The following SYN3 variants were observed in gnomAD, a reference collection of about 807,000 sequenced individuals.
SYN3 encodes synapsin-3.
Under a neutral mutation model 65.8 loss-of-function variants are expected in SYN3, and 35 were observed. The observed-to-expected ratio is 0.53, with a 90% CI of 0.41 to 0.70. SYN3 has a LOEUF of 0.70. Ranked by LOEUF, SYN3 falls within the 30% of genes least tolerant of loss-of-function variation. The pLI is 0.00. For missense variants in SYN3, 680 were observed against 749.0 expected (o/e 0.91, Z 1.08); for synonymous variants, 270 against 292.9 (o/e 0.92, Z 0.80).
In SYN3 at chr22:32,651,501, G is replaced by A. The variant is rs182718440; in HGVS notation, c.712-54765C>T. 7.9e-4 allele frequency among the ~76,000 whole-genome samples: 121 copies of A among 152,272 alleles called. 3 individuals carry two copies. The Middle Eastern group carries it at 0.01, about 13-fold the overall frequency. On this transcript the variant is annotated intron_variant, in intron 6 of 13. Transcript: ENST00000358763. ...TTTCTGGAGCACACAGGTGGGGCATGATCGCTCCTCTGGCTCCCCCAGGGC... is the reference window on the plus strand; with the variant it reads ...TTTCTGGAGCACACAGGTGGGGCATAATCGCTCCTCTGGCTCCCCCAGGGC...
In SYN3 at chr22:33,007,466, T is replaced by G. The variant is rs143335847; in HGVS notation, c.-162-642A>C. Among the ~76,000 whole-genome samples, 525 of 152,320 alleles carry G rather than the reference T, an allele frequency of 3.4e-3. 3 individuals carry two copies. Among genetic ancestry groups the G allele is most frequent in the Non-Finnish European group, 6.1e-3 (418 of 68,034 alleles). On this transcript the variant is annotated intron_variant, in intron 1 of 13. Transcript: ENST00000358763. ...CATGTCCCCCACCTCACCAAATTTATATGTTGAAGATAATGCTGAATATGA... is the reference window on the plus strand; with the variant it reads ...CATGTCCCCCACCTCACCAAATTTAGATGTTGAAGATAATGCTGAATATGA...
At chr22:32,761,895 C>T (rs1007215216) in intron 6 of SYN3, among the ~76,000 whole-genome samples, 5 of 152,248 alleles carry the variant, frequency 3.3e-5, no homozygotes, top group East Asian at 1.9e-4. Context: ...CGGAGATTGT[C>T]GGATACGGGA....
intron 6 of SYN3, among the ~76,000 whole-genome samples, chr22:32,641,817 A>G (rs1208005587): frequency 6.6e-6 from 1 of 152,154 alleles, no homozygotes; most frequent in African/African-American, 2.4e-5. Flanking sequence ...TAAGTGACTT[A>G]TATCTCAATA....
intron 7 of SYN3, among the ~76,000 whole-genome samples, chr22:32,565,874 A>G (rs1045339152): frequency 6.6e-6 from 1 of 151,800 alleles, no homozygotes; most frequent in South Asian, 2.1e-4. Context: ...CACCACGCCC[A>G]GCTAATTTTT....
At chr22:33,049,629 C>A (rs1368562281) in intron 1 of SYN3, among the ~76,000 whole-genome samples, 1 of 152,132 alleles carries the variant, frequency 6.6e-6, no homozygotes, top group African/African-American at 2.4e-5. Context: ...TAATTAAATT[C>A]AATATTTTGG....
intron 6 of SYN3, among the ~76,000 whole-genome samples, chr22:32,709,741 C>T (rs1022801910): frequency 1.5e-4 from 23 of 151,246 alleles, no homozygotes; most frequent in Non-Finnish European, 3.2e-4. Context: ...TTTTTCTTTC[C>T]TTTTTACATA....
chr22:32,545,409 A>G (rs779662871), intron 7 of SYN3, among the ~76,000 whole-genome samples: 3 of 152,252 alleles, frequency 2.0e-5, no homozygotes, highest in Non-Finnish European at 4.4e-5. Context: ...CAAAGAGAGC[A>G]AAGGGAGAAA....
intron 4 of SYN3, among the ~76,000 whole-genome samples, chr22:32,911,885 AAG>A (rs1245602534): frequency 6.6e-6 from 1 of 152,136 alleles, no homozygotes; most frequent in Non-Finnish European, 1.5e-5. Context: ...ACGTCAGAAA[AAG>A]AAGGTGGCAT....
chr22:32,541,619 T>C lies in SYN3; in HGVS notation c.869A>G (p.Lys290Arg), dbSNP rs2058255983. Residue 290 changes from lysine to arginine, a missense_variant, in exon 8 of 14, where the codon AAG (lysine) becomes AGG (arginine). Coordinates refer to ENST00000358763, the MANE Select transcript of SYN3 (RefSeq NM_003490.4). ...YATTEAFIDS[K>R]YDIRIQKIGS... The stretch of plus-strand genomic sequence containing the variant: ...AATTTTCTGGATGCGGATGTCGTAC[T>C]TGGAGTCGATGAAGGCCTCGGTGGT... 6.2e-7 allele frequency: 1 copy of C among 1,614,062 alleles called. No homozygotes were observed. The highest frequency in any genetic ancestry group is 8.5e-7 in the Non-Finnish European group (1 of 1,180,018).
intron 6 of SYN3, among the ~76,000 whole-genome samples, chr22:32,845,667 G>A (rs2048039966): frequency 6.6e-6 from 1 of 152,124 alleles, no homozygotes; most frequent in Non-Finnish European, 1.5e-5. Context: ...CAGTGTAGGG[G>A]CCATACTCCA....
chr22:32,887,194 T>C lies in SYN3; in HGVS notation c.462-18069A>G, dbSNP rs185484691. On this transcript the variant is annotated intron_variant, in intron 4 of 13. Coordinates refer to ENST00000358763, the MANE Select transcript of SYN3 (RefSeq NM_003490.4). ...GAGTTCAAGACCAGCCTGGGCAACA[T>C]AGTGAGACCTCATCTCTACCAAAAA... is the stretch of plus-strand genomic sequence containing the variant. 2.7e-3 allele frequency among the ~76,000 whole-genome samples: 416 copies of C among 152,088 alleles called. 1 individual carries two copies. The highest frequency in any genetic ancestry group is 4.3e-3 in the Non-Finnish European group (289 of 67,974).
At position 32,518,138 on chromosome 22, in the gene SYN3, G is replaced by T; in HGVS notation, c.1515C>A (p.Thr505=). The change falls in exon 13 of 14, where the codon ACC becomes ACA. Residue 505 remains threonine (T), a synonymous_variant. Coordinates refer to ENST00000358763, the MANE Select transcript of SYN3 (RefSeq NM_003490.4). The stretch of plus-strand genomic sequence containing the variant: ...CAGGGGGCCGGGGCTGTGAGGCGAG[G>T]GTGGCACCTGGCTTGGAGGCCTGGT... ...SPNQASKPGA[T]LASQPRPPVQ... The T allele has an allele frequency of 2.5e-6, 4 of 1,609,314 alleles. No individual in the cohort carries two copies. Among genetic ancestry groups the T allele is most frequent in the Non-Finnish European group, 3.4e-6 (4 of 1,177,720 alleles).
intron 4 of SYN3, among the ~76,000 whole-genome samples, chr22:32,911,764 A>C (rs543604949): frequency 1.3e-5 from 2 of 152,264 alleles, no homozygotes; most frequent in African/African-American, 4.8e-5. Context: ...CGTATTAAAA[A>C]GGTGACAGCC....
chr22:32,638,201 T>G (rs1387329117), intron 6 of SYN3, among the ~76,000 whole-genome samples: 1 of 152,202 alleles, frequency 6.6e-6, no homozygotes, highest in Admixed American at 6.5e-5. Flanking sequence ...CCACATTTCC[T>G]TTATCCAGGT....
At chr22:32,669,707 A>G (rs1475270652) in intron 6 of SYN3, among the ~76,000 whole-genome samples, 1 of 152,244 alleles carries the variant, frequency 6.6e-6, no homozygotes, top group African/African-American at 2.4e-5. Context: ...AAAGCTGTAT[A>G]TTCCAGACTG....
chr22:32,570,466 T>C (rs1158855061), intron 7 of SYN3, among the ~76,000 whole-genome samples: 1 of 152,104 alleles, frequency 6.6e-6, no homozygotes, highest in Non-Finnish European at 1.5e-5. Flanking sequence ...TTTTGTTTTC[T>C]GATTAAAACA....
At chr22:32,832,090 T>G (rs539811132) in intron 6 of SYN3, among the ~76,000 whole-genome samples, 22 of 152,298 alleles carry the variant, frequency 1.4e-4, no homozygotes, top group Admixed American at 1.1e-3. Flanking sequence ...ACTCCGTACT[T>G]GTTTCTGTCC....
chr22:32,654,479 C>T (rs1007174914), intron 6 of SYN3, among the ~76,000 whole-genome samples: 14 of 152,194 alleles, frequency 9.2e-5, no homozygotes, highest in African/African-American at 3.1e-4. Flanking sequence ...TTCTGCTGGT[C>T]CTTTTCCTGT....
intron 2 of SYN3, among the ~76,000 whole-genome samples, chr22:32,999,109 G>A (rs921509201): frequency 4.6e-5 from 7 of 152,142 alleles, no homozygotes; most frequent in African/African-American, 7.2e-5. Context: ...CAGAAGAGAC[G>A]ATTATAATAC....
Sources: gnomAD v4.1 joint callset for allele counts (sites outside exome capture counted in the v4.1 genomes callset) on GRCh38, gnomAD v4.1.1 for gene constraint, MANE v1.5 for transcripts, NCBI Gene and HGNC (gene_info 2026-07-23, HGNC 2026-07-21) for gene names.